GNA13: variants seen among roughly 807,000 people sequenced by gnomAD.
GNA13 encodes G protein subunit alpha 13, also known as guanine nucleotide-binding protein subunit alpha-13.
GNA13 carries 4 observed loss-of-function variants against 33.5 expected under a neutral mutation model. That is an observed-to-expected ratio of 0.12 (90% CI 0.06 to 0.27). GNA13 has a LOEUF of 0.27. GNA13 is among the 10% of genes least tolerant of loss of function. GNA13 has a pLI of 1.00. For synonymous variants in GNA13, 176 were observed against 183.8 expected (o/e 0.96, Z 0.34); for missense variants, 319 against 487.2 (o/e 0.65, Z 3.25).
rs146149843 is a variant in GNA13 at position 65,046,527 on chromosome 17, A to G, written c.510+6975T>C. ...GGCCGTTCTGGAATTCTTGGCCTCA[A>G]GCATTCCTCAGCCTGAATTAATTTT... On this transcript the variant is annotated intron_variant, in intron 2 of 3. Coordinates refer to ENST00000439174, the MANE Select transcript of GNA13 (RefSeq NM_006572.6). Among the ~76,000 whole-genome samples, 139 of 152,342 alleles carry G rather than the reference A, an allele frequency of 9.1e-4. No homozygotes were observed. In the Middle Eastern group the frequency reaches 0.01, roughly 11 times the overall value.
intron 2 of GNA13, among the ~76,000 whole-genome samples, chr17:65,027,060 G>T (rs1906813358): frequency 6.6e-6 from 1 of 152,028 alleles, no homozygotes; most frequent in Non-Finnish European, 1.5e-5. Context: ...TTACAGGCGT[G>T]AGCCACCGCG....
intron 2 of GNA13, among the ~76,000 whole-genome samples, chr17:65,031,890 G>GAGAGAA (rs1423721009): frequency 3.5e-5 from 3 of 86,128 alleles, no homozygotes; most frequent in Admixed American, 1.7e-4. Context: ...GAGAGAGAGA[G>GAGAGAA]AGAGAAAGAG....
chr17:65,045,042 C>CAAAA (rs1244382117), intron 2 of GNA13, among the ~76,000 whole-genome samples: 2 of 53,314 alleles, frequency 3.8e-5, no homozygotes, highest in East Asian at 5.6e-4. Flanking sequence ...GACTCCATCT[C>CAAAA]AAAAAAAAAA....
At chr17:65,050,942 A>G (rs1907838396) in intron 2 of GNA13, among the ~76,000 whole-genome samples, 2 of 152,174 alleles carry the variant, frequency 1.3e-5, no homozygotes, top group Admixed American at 1.3e-4. Context: ...AGTCAACAAC[A>G]AGCAGGTCCT....
intron 2 of GNA13, among the ~76,000 whole-genome samples, chr17:65,046,097 A>G (rs1035571907): frequency 6.6e-6 from 1 of 152,154 alleles, no homozygotes. Context: ...GGATAACAGT[A>G]TATCTTGTTT....
intron 2 of GNA13, among the ~76,000 whole-genome samples, 186 bp from the exon 3 acceptor site, chr17:65,018,489 G>A (rs1261768192): frequency 6.6e-6 from 1 of 152,154 alleles, no homozygotes; most frequent in Non-Finnish European, 1.5e-5. Flanking sequence ...TGCTAAATCT[G>A]CAAAGGCAGG....
At position 65,053,505 on chromosome 17, in the gene GNA13, T is replaced by C. The variant is rs758154554; in HGVS notation, c.507A>G (p.Gln169=). 26 of 1,575,850 alleles carry C rather than the reference T, an allele frequency of 1.6e-5. No individual in the cohort carries two copies. Among genetic ancestry groups the C allele is most frequent in the African/African-American group, 8.1e-5 (6 of 74,258 alleles). Residue 169 remains glutamine (Q), a synonymous_variant, in exon 2 of 4, where the codon CAA becomes CAG. Transcript: ENST00000439174. ...TTTAAAAGAGCAAATCTCTTACCAG[T>C]TGAAATTCTCGACGCCGGTCATAGG... is the stretch of plus-strand genomic sequence containing the variant. ...QNAYDRRREF[Q]LGESVKYFLD...
intron 2 of GNA13, among the ~76,000 whole-genome samples, chr17:65,023,105 GA>G (rs1392557550): frequency 2.0e-5 from 3 of 152,194 alleles, no homozygotes; most frequent in African/African-American, 7.2e-5. Flanking sequence ...GAGAAGCTGA[GA>G]AAACACTAAA....
intron 2 of GNA13, among the ~76,000 whole-genome samples, chr17:65,047,650 T>C (rs1396571838): frequency 7.8e-6 from 1 of 128,530 alleles, no homozygotes; most frequent in Admixed American, 9.9e-5. Context: ...AATTAATAAA[T>C]GACTCTGATT....
intron 2 of GNA13, among the ~76,000 whole-genome samples, chr17:65,028,168 G>A (rs1364052601): frequency 1.3e-5 from 2 of 152,252 alleles, no homozygotes; most frequent in Non-Finnish European, 2.9e-5. Flanking sequence ...GGAGCTTGCA[G>A]TGAGCTGAGA....
At chr17:65,028,786 A>G (rs1482218095) in intron 2 of GNA13, among the ~76,000 whole-genome samples, 2 of 152,064 alleles carry the variant, frequency 1.3e-5, no homozygotes, top group African/African-American at 4.8e-5. Flanking sequence ...CTTCAGCTCC[A>G]CACCACCTTC....
rs1365451156 is a variant in GNA13, at chr17:65,056,368, A to G, written c.226T>C (p.Phe76Leu). 2 of 1,613,022 alleles carry G rather than the reference A, an allele frequency of 1.2e-6. No homozygotes were observed. The highest frequency in any genetic ancestry group is 1.7e-5 in the Admixed American group (1 of 59,990). ...AACTCCTCGCGCGCGCGCTGGTCGA[A>G]GTCCTGCCCGTGGATGATCCGCATC... Reference protein sequence around the residue: ...KQMRIIHGQDFDQRAREEFRP... With the variant: ...KQMRIIHGQDLDQRAREEFRP... The change falls in exon 1 of 4, where the codon TTC (phenylalanine) becomes CTC (leucine). Residue 76 changes from phenylalanine to leucine, a missense_variant. Physicochemically the swap from Phe to Leu is conservative, Grantham distance 22. Transcript: ENST00000439174.
At chr17:65,046,617 C>T (rs973150200) in intron 2 of GNA13, among the ~76,000 whole-genome samples, 3 of 152,160 alleles carry the variant, frequency 2.0e-5, no homozygotes, top group African/African-American at 4.8e-5. Context: ...TGGTTGGCTG[C>T]GCATATCTGT....
At position 65,013,065 on chromosome 17, in the gene GNA13, T is replaced by G. The variant is rs1906247400; in HGVS notation, c.*1192A>C. Reference sequence around the variant, plus strand: ...TTACTACTGATCCTTAGAAGCATCCTTAAAACATTTAAAATATACCTCAAA... The same window carrying G: ...TTACTACTGATCCTTAGAAGCATCCGTAAAACATTTAAAATATACCTCAAA... On this transcript the variant is annotated 3_prime_UTR_variant, in exon 4 of 4. Coordinates refer to ENST00000439174, the MANE Select transcript of GNA13 (RefSeq NM_006572.6). 4.8e-6 allele frequency: 1 copy of G among 209,232 alleles called. No homozygotes were observed. The highest frequency in any genetic ancestry group is 2.3e-5 in the African/African-American group (1 of 43,940). 13.0% of individuals were successfully genotyped at this position (209,232 alleles called of 1,614,324 possible). A position where few individuals can be genotyped will look rare whatever the true frequency, so the allele number is the denominator to read the frequency against.
In GNA13 at chr17:65,009,693, A is replaced by T. The variant is rs1439930237; in HGVS notation, c.*4564T>A. ...CTTGTGGTAAATGAGCTCTCACCAG[A>T]GTAGAGTAGTTTAGAAAAGCCATTT... is the stretch of plus-strand genomic sequence containing the variant. On this transcript the variant is annotated 3_prime_UTR_variant, in exon 4 of 4. Transcript: ENST00000439174. 8.5e-5 allele frequency among the ~76,000 whole-genome samples: 13 copies of T among 152,208 alleles called. No homozygotes were observed. Among genetic ancestry groups the T allele is most frequent in the Admixed American group, 8.5e-4 (13 of 15,272 alleles).
intron 3 of GNA13, among the ~76,000 whole-genome samples, chr17:65,015,621 C>A (rs1906337902): frequency 6.8e-6 from 1 of 147,640 alleles, no homozygotes; most frequent in Non-Finnish European, 1.5e-5. Context: ...TGAGATCATG[C>A]CACTGCACTC....
intron 1 of GNA13, 62 bp downstream of exon 1, chr17:65,056,249 G>GCCC: frequency 3.1e-4 from 239 of 774,590 alleles, no homozygotes; most frequent in East Asian, 1.1e-3. Context: ...GCCCCGCCCC[G>GCCC]CACCCGCCGC....
chr17:65,014,817 A>G lies in GNA13; in HGVS notation c.574T>C (p.Ser192Pro). The G allele has an allele frequency of 6.2e-7, 1 of 1,604,034 alleles. No homozygotes were observed. The highest frequency in any genetic ancestry group is 1.1e-5 in the South Asian group (1 of 90,392). The change falls in exon 4 of 4, where the codon TCA becomes CCA. Residue 192 changes from serine (S) to proline (P), a missense_variant. This residue lies in a region of GNA13 where 134 missense variants were observed against 241.3 expected (regional missense o/e 0.56). Transcript: ENST00000439174. The surrounding 1 kb of genome is among the most constrained non-coding windows in gnomAD (Gnocchi z 5.3). ...CTGGCAAGCAGAATATCTTGTTGTG[A>G]TGGAATATAATCCTGGAAAAGAAAA... ...DKLGEPDYIPSQQDILLARRP... is the reference protein window; with the variant it reads ...DKLGEPDYIPPQQDILLARRP...
chr17:65,042,662 G>A (rs1194538942), intron 2 of GNA13, among the ~76,000 whole-genome samples: 10 of 151,862 alleles, frequency 6.6e-5, no homozygotes, highest in Non-Finnish European at 1.3e-4. Flanking sequence ...ACTTGAACCC[G>A]GGAGAGGGAG....
Sources: allele counts gnomAD v4.1 joint callset (sites outside exome capture counted in the v4.1 genomes callset), GRCh38; gene constraint gnomAD v4.1.1; regional missense constraint gnomAD v4.1.1; non-coding constraint Gnocchi (gnomAD v3.1); transcripts MANE v1.5; gene names NCBI Gene and HGNC (gene_info 2026-07-23, HGNC 2026-07-21).